ARHGAP22: variants seen among roughly 807,000 people sequenced by gnomAD.
ARHGAP22 encodes Rho GTPase activating protein 22, also known as rho GTPase-activating protein 22.
ARHGAP22 carries 48 observed loss-of-function variants against 59.1 expected under a neutral mutation model. The observed-to-expected ratio is 0.81, with a 90% CI of 0.64 to 1.03. The LOEUF (loss-of-function observed/expected upper bound fraction) is 1.03. Ranked by LOEUF, ARHGAP22 falls within the 50% of genes least tolerant of loss-of-function variation. The pLI, the probability that ARHGAP22 is intolerant of heterozygous loss-of-function variation, is 0.00. For missense variants in ARHGAP22, 1,015 were observed against 958.7 expected (o/e 1.06, Z -0.78); for synonymous variants, 445 against 416.4 (o/e 1.07, Z -0.84).
chr10:48,521,577 T>C (rs910842210), intron 3 of ARHGAP22, among the ~76,000 whole-genome samples: 1 of 152,204 alleles, frequency 6.6e-6, no homozygotes, highest in Non-Finnish European at 1.5e-5. Flanking sequence ...TTAATTGAAA[T>C]GATATCAATG....
chr10:48,555,363 G>C, intron 3 of ARHGAP22, 100 bp downstream of exon 3: 1 of 1,150,572 alleles, frequency 8.7e-7, no homozygotes, highest in Non-Finnish European at 1.3e-6. Context: ...CTGTGCTGTG[G>C]CTCCTGCGGG....
intron 3 of ARHGAP22, among the ~76,000 whole-genome samples, chr10:48,512,815 C>G (rs1178665503): frequency 6.6e-6 from 1 of 152,184 alleles, no homozygotes; most frequent in Non-Finnish European, 1.5e-5. Context: ...TGAGACCAAG[C>G]CCTCGGGTAC....
At chr10:48,436,166 G>A in the ARHGAP22 span, 1 of 152,216 alleles carries the variant, frequency 6.6e-6, no homozygotes, top group African/African-American at 2.4e-5. Flanking sequence ...TCTGAAAATA[G>A]TAGCACACAG....
chr10:48,535,493 C>T (rs943594987), intron 3 of ARHGAP22, among the ~76,000 whole-genome samples: 2 of 152,228 alleles, frequency 1.3e-5, no homozygotes, highest in African/African-American at 4.8e-5. Context: ...ACAGCAGCCT[C>T]AGAAGCCTCA....
At chr10:48,445,459 C>T, downstream of ARHGAP22, 1 of 152,492 alleles carries the variant, frequency 6.6e-6, no homozygotes, top group Non-Finnish European at 1.5e-5. Context: ...GGCCTGGGTG[C>T]CCTGTGGGTG....
At chr10:48,585,263 T>A (rs1316850272) in intron 1 of ARHGAP22, among the ~76,000 whole-genome samples, 1 of 152,172 alleles carries the variant, frequency 6.6e-6, no homozygotes, top group Non-Finnish European at 1.5e-5. Flanking sequence ...CTTGATACAC[T>A]GCTTCCTTTC....
intron 3 of ARHGAP22, among the ~76,000 whole-genome samples, chr10:48,499,826 CAG>C (rs1323493232): frequency 1.3e-5 from 2 of 152,262 alleles, no homozygotes; most frequent in Middle Eastern, 3.4e-3. Context: ...TTAGGAGAAA[CAG>C]AAATGCATTC....
chr10:48,541,608 C>T (rs1052945883), intron 3 of ARHGAP22, among the ~76,000 whole-genome samples: 3 of 152,192 alleles, frequency 2.0e-5, no homozygotes, highest in Admixed American at 6.5e-5. Flanking sequence ...GAAGTGTCCC[C>T]CTGTGTAGAA....
intron 9 of ARHGAP22, among the ~76,000 whole-genome samples, chr10:48,448,391 C>T (rs2045573644): frequency 6.6e-6 from 1 of 152,238 alleles, no homozygotes; most frequent in African/African-American, 2.4e-5. Flanking sequence ...TGCTTATGGT[C>T]TTTGTCTCCC....
chr10:48,609,017 T>C (rs1175952947), upstream of ARHGAP22, among the ~76,000 whole-genome samples: 2 of 152,238 alleles, frequency 1.3e-5, no homozygotes, highest in Non-Finnish European at 2.9e-5. Flanking sequence ...AATGACATCA[T>C]GCTGGTAGTT....
chr10:48,633,868 C>A (rs1371842471), intron 1 of ARHGAP22, among the ~76,000 whole-genome samples: 1 of 152,130 alleles, frequency 6.6e-6, no homozygotes, highest in Non-Finnish European at 1.5e-5. Flanking sequence ...GGAGGGAGAG[C>A]CTTTCCTAAC....
At chr10:48,540,104 C>T (rs1285723175) in intron 3 of ARHGAP22, among the ~76,000 whole-genome samples, 1 of 152,158 alleles carries the variant, frequency 6.6e-6, no homozygotes, top group African/African-American at 2.4e-5. Context: ...TTAACCATGA[C>T]CCCACAGGAC....
chr10:48,506,999 G>A (rs1385620514), intron 3 of ARHGAP22, among the ~76,000 whole-genome samples: 3 of 152,124 alleles, frequency 2.0e-5, no homozygotes, highest in African/African-American at 7.2e-5. Flanking sequence ...GCCTCTCAGG[G>A]CCTCCCACGC....
chr10:48,507,843 C>T (rs142244141), intron 3 of ARHGAP22, among the ~76,000 whole-genome samples: 2 of 150,968 alleles, frequency 1.3e-5, no homozygotes, highest in African/African-American at 2.4e-5. Flanking sequence ...CAGTAACAGC[C>T]CCCACTCAGC....
chr10:48,502,980 T>A (rs1050207161), intron 3 of ARHGAP22, among the ~76,000 whole-genome samples: 7 of 152,220 alleles, frequency 4.6e-5, no homozygotes, highest in African/African-American at 1.7e-4. Context: ...CAGAACAGCA[T>A]CCTCTCAGCC....
intron 1 of ARHGAP22, among the ~76,000 whole-genome samples, chr10:48,598,067 A>G (rs548155270): frequency 6.6e-6 from 1 of 152,392 alleles, no homozygotes; most frequent in African/African-American, 2.4e-5. Context: ...CTACAAGACC[A>G]GCTTGGAGCT....
chr10:48,635,532 C>T (rs1453342023), intron 1 of ARHGAP22, among the ~76,000 whole-genome samples: 1 of 152,208 alleles, frequency 6.6e-6, no homozygotes, highest in Non-Finnish European at 1.5e-5. Flanking sequence ...AAATGCAGTC[C>T]AGAAGGGCTG....
At chr10:48,508,579 G>C (rs1241919069) in intron 3 of ARHGAP22, among the ~76,000 whole-genome samples, 1 of 152,224 alleles carries the variant, frequency 6.6e-6, no homozygotes, top group Non-Finnish European at 1.5e-5. Flanking sequence ...GCAACTCATG[G>C]GTAGGGATCC....
At chr10:48,630,226 G>T (rs971310911) in intron 1 of ARHGAP22, among the ~76,000 whole-genome samples, 5 of 152,092 alleles carry the variant, frequency 3.3e-5, no homozygotes, top group African/African-American at 1.2e-4. Flanking sequence ...TGACTAGCTG[G>T]GACTACAGGC....
Sources: gnomAD v4.1 joint callset for allele counts (sites outside exome capture counted in the v4.1 genomes callset) on GRCh38, gnomAD v4.1.1 for gene constraint, MANE v1.5 for transcripts, NCBI Gene and HGNC (gene_info 2026-07-23, HGNC 2026-07-21) for gene names.